MAP4K4: variants seen among roughly 807,000 people sequenced by gnomAD.
MAP4K4 encodes HPK/GCK-like kinase HGK.
MAP4K4 carries 38 observed loss-of-function variants against 189.6 expected under a neutral mutation model. The observed-to-expected ratio is 0.20, with a 90% CI of 0.15 to 0.26. The LOEUF (loss-of-function observed/expected upper bound fraction) is 0.26. Among genes scored for constraint, MAP4K4 ranks in the 10% least tolerant of loss-of-function variants. The pLI, the probability that MAP4K4 is intolerant of heterozygous loss-of-function variation, is 1.00. For missense variants in MAP4K4, 1,054 were observed against 1,726.9 expected, an observed-to-expected ratio of 0.61 and a Z score of 6.91; for synonymous variants, 610 against 624.3, an observed-to-expected ratio of 0.98 and a Z score of 0.34.
intron 2 of MAP4K4, among the ~76,000 whole-genome samples, chr2:101,762,448 G>A (rs558175675): frequency 6.6e-6 from 1 of 152,292 alleles, no homozygotes; most frequent in African/African-American, 2.4e-5. Context: ...GAACACCAGA[G>A]GAGTTTTCAA....
chr2:101,763,491 G>T (rs1340516192), intron 2 of MAP4K4, among the ~76,000 whole-genome samples: 4 of 152,068 alleles, frequency 2.6e-5, no homozygotes, highest in Admixed American at 2.0e-4. Context: ...CCAAGTTATT[G>T]GGCTTATAAG....
chr2:101,835,108 C>A (rs1253427334), intron 8 of MAP4K4, among the ~76,000 whole-genome samples: 1 of 152,144 alleles, frequency 6.6e-6, no homozygotes, highest in Non-Finnish European at 1.5e-5. Flanking sequence ...AAATAATTAT[C>A]GACAGCTAAA....
At chr2:101,891,427 C>A (rs2098565923) in exon 33 of MAP4K4, 6 of 569,258 alleles carry the variant, frequency 1.1e-5, no homozygotes. Context: ...CAGTTTATCC[C>A]CATTCTTTTT....
intron 3 of MAP4K4, among the ~76,000 whole-genome samples, chr2:101,822,950 A>C (rs899056240): frequency 1.2e-4 from 19 of 152,308 alleles, no homozygotes; most frequent in Admixed American, 7.8e-4. Flanking sequence ...TTTCCTGCAC[A>C]GTTTCTCTTC....
At chr2:101,705,240 C>T (rs1473844518) in intron 2 of MAP4K4, among the ~76,000 whole-genome samples, 1 of 152,170 alleles carries the variant, frequency 6.6e-6, no homozygotes, top group South Asian at 2.1e-4. Flanking sequence ...GTGCTGGGCC[C>T]TGTTCTGAGA....
At chr2:101,763,876 A>T (rs1479316014) in intron 2 of MAP4K4, among the ~76,000 whole-genome samples, 1 of 151,798 alleles carries the variant, frequency 6.6e-6, no homozygotes, top group African/African-American at 2.4e-5. Flanking sequence ...AATCTGACTT[A>T]AAAAAAAATC....
At chr2:101,765,359 G>A (rs1202641302) in intron 2 of MAP4K4, among the ~76,000 whole-genome samples, 1 of 152,082 alleles carries the variant, frequency 6.6e-6, no homozygotes, top group Non-Finnish European at 1.5e-5. Context: ...TTTTTTGTTT[G>A]TGTGTTTGTT....
intron 2 of MAP4K4, among the ~76,000 whole-genome samples, chr2:101,766,687 C>T (rs1456053812): frequency 6.6e-6 from 1 of 151,530 alleles, no homozygotes; most frequent in Admixed American, 6.6e-5. Flanking sequence ...TTGTTTCCGG[C>T]TTTGGCATCT....
chr2:101,888,964 G>T, intron 32 of MAP4K4, 29 bp downstream of exon 32: 2 of 1,581,664 alleles, frequency 1.3e-6, no homozygotes, highest in South Asian at 1.2e-5. Flanking sequence ...ATTCTTTTTA[G>T]TTGCTCTATC....
intron 10 of MAP4K4, 105 bp downstream of exon 10, chr2:101,840,099 C>A: frequency 9.2e-7 from 1 of 1,092,522 alleles, no homozygotes; most frequent in Non-Finnish European, 1.3e-6. Context: ...CTCACTTGGC[C>A]AGTGCTTGCA....
intron 5 of MAP4K4, among the ~76,000 whole-genome samples, chr2:101,828,872 C>G (rs897988247): frequency 1.3e-5 from 2 of 152,178 alleles, no homozygotes; most frequent in African/African-American, 4.8e-5. Flanking sequence ...AAGAGACAAG[C>G]TTTTGGGCCT....
chr2:101,894,416 A>T (rs955384665), exon 33 of MAP4K4: 1 of 152,746 alleles, frequency 6.5e-6, no homozygotes, highest in African/African-American at 2.4e-5. Context: ...TGCGCACCAC[A>T]TATTTATGGT....
At chr2:101,842,235 A>G (rs937581273) in intron 10 of MAP4K4, among the ~76,000 whole-genome samples, 2 of 152,228 alleles carry the variant, frequency 1.3e-5, no homozygotes, top group African/African-American at 2.4e-5. Flanking sequence ...CAGCAGTTAC[A>G]TATCTTTTTG....
chr2:101,753,800 C>T (rs1472533368), intron 2 of MAP4K4, among the ~76,000 whole-genome samples: 3 of 151,852 alleles, frequency 2.0e-5, no homozygotes, highest in African/African-American at 7.3e-5. Context: ...ACCAGTAATG[C>T]ACTTTTAGGA....
At chr2:101,874,043 G>C in intron 25 of MAP4K4, 39 bp from the exon 26 acceptor site, 1 of 1,552,984 alleles carries the variant, frequency 6.4e-7, no homozygotes, top group Non-Finnish European at 8.9e-7. Flanking sequence ...CATAGTGTGT[G>C]TGTGTACAGA....
At chr2:101,876,173 A>T (rs750964495) in intron 26 of MAP4K4, among the ~76,000 whole-genome samples, 3 of 152,074 alleles carry the variant, frequency 2.0e-5, no homozygotes, top group Non-Finnish European at 4.4e-5. Flanking sequence ...TTCAGTAGAG[A>T]TCTGCAGTGG....
intron 12 of MAP4K4, among the ~76,000 whole-genome samples, chr2:101,852,232 T>G (rs2097309173): frequency 6.6e-6 from 1 of 152,124 alleles, no homozygotes; most frequent in Non-Finnish European, 1.5e-5. Context: ...TTGAAAAGAT[T>G]GCCTTAGGAT....
intron 2 of MAP4K4, among the ~76,000 whole-genome samples, chr2:101,772,054 G>A (rs2081723698): frequency 6.6e-6 from 1 of 152,250 alleles, no homozygotes; most frequent in South Asian, 2.1e-4. Flanking sequence ...TATTGTCCCT[G>A]TGCTGTGTGA....
chr2:101,753,027 G>A (rs1308484756), intron 2 of MAP4K4, among the ~76,000 whole-genome samples: 1 of 152,216 alleles, frequency 6.6e-6, no homozygotes, highest in Non-Finnish European at 1.5e-5. Context: ...ACAATAGCCA[G>A]CATTTATTGT....
Sources: gnomAD v4.1 joint callset for allele counts (sites outside exome capture counted in the v4.1 genomes callset) on GRCh38, gnomAD v4.1.1 for gene constraint, MANE v1.5 for transcripts, NCBI Gene and HGNC (gene_info 2026-07-23, HGNC 2026-07-21) for gene names.